DOCK11: variants seen among roughly 807,000 people sequenced by gnomAD.
DOCK11 encodes dedicator of cytokinesis 11.
Under a neutral mutation model 169.1 loss-of-function variants are expected in DOCK11, and 70 were observed. The observed-to-expected ratio is 0.41, with a 90% CI of 0.34 to 0.51. The LOEUF (loss-of-function observed/expected upper bound fraction) is 0.51, where lower values mean the gene tolerates loss of function less well. Ranked by LOEUF, DOCK11 falls within the 20% of genes least tolerant of loss-of-function variation. The pLI, the probability that DOCK11 is intolerant of heterozygous loss-of-function variation, is 0.10. For missense variants in DOCK11, 1,166 were observed against 1,538.8 expected (o/e 0.76, Z 4.05); for synonymous variants, 529 against 541.3 (o/e 0.98, Z 0.32).
rs759275790 is a variant in DOCK11, at chrX:118,588,326, C to T, written c.1980+5C>T. 14 of 1,163,184 alleles carry T rather than the reference C, an allele frequency of 1.2e-5. No homozygotes were observed. In the Admixed American group the frequency reaches 1.3e-4, roughly 11 times the overall value. On this transcript the variant is annotated splice_donor_5th_base_variant and intron_variant, in intron 17 of 52. Coordinates refer to ENST00000276202, the MANE Select transcript of DOCK11 (RefSeq NM_144658.4). The stretch of plus-strand genomic sequence containing the variant: ...AGCCAGAAAACATTTGCCAAGGTAA[C>T]CATGTAAACTATACATTTTTGGAGT...
At chrX:118,653,710 G>A (rs1007945765) in intron 42 of DOCK11, among the ~76,000 whole-genome samples, 3 of 111,797 alleles carry the variant, frequency 2.7e-5, no homozygotes, top group African/African-American at 6.5e-5. Flanking sequence ...CACTGCTCCC[G>A]GCCAAGAAGG....
chrX:118,666,109 T>C (rs1337128871), intron 45 of DOCK11, among the ~76,000 whole-genome samples: 2 of 110,527 alleles, frequency 1.8e-5, no homozygotes, highest in Non-Finnish European at 3.8e-5. Flanking sequence ...ATATAAAAAT[T>C]AGCCGAGCGT....
chrX:118,650,029 G>A lies in DOCK11; in HGVS notation c.4581+902G>A, dbSNP rs192101897. Among the ~76,000 whole-genome samples, 447 of 111,572 alleles carry A rather than the reference G, an allele frequency of 4.0e-3. 4 individuals carry two copies. Among genetic ancestry groups the A allele is most frequent in the Admixed American group, 0.022 (226 of 10,421 alleles). Reference sequence around the variant, plus strand: ...GTTTATGTTTTTCATGCTCCAGTATGCCCACTTATTTTAAAAATGAGAGAT... The same window carrying A: ...GTTTATGTTTTTCATGCTCCAGTATACCCACTTATTTTAAAAATGAGAGAT... On this transcript the variant is annotated intron_variant, in intron 41 of 52. Coordinates refer to ENST00000276202, the MANE Select transcript of DOCK11 (RefSeq NM_144658.4).
At position 118,684,364 on chromosome X, in the gene DOCK11, C is replaced by T. The variant is rs566668339; in HGVS notation, c.6102+1147C>T. Among the ~76,000 whole-genome samples the T allele has an allele frequency of 3.9e-4, 41 of 105,696 alleles. No individual in the cohort carries two copies. In the South Asian group the frequency reaches 0.017, roughly 44 times the overall value. 91.8% of individuals were successfully genotyped at this position (105,696 alleles called of 115,157 possible). On this transcript the variant is annotated intron_variant, in intron 52 of 52. Coordinates refer to ENST00000276202, the MANE Select transcript of DOCK11 (RefSeq NM_144658.4). ...TCAGCTCACTGCAACCTCCGCCTCC[C>T]GGATTCAAGTGATTTCTCCTGCCTC...
At chrX:118,655,490 T>C (rs779641480) in intron 44 of DOCK11, among the ~76,000 whole-genome samples, 4 of 111,304 alleles carry the variant, frequency 3.6e-5, no homozygotes, top group African/African-American at 1.3e-4. Flanking sequence ...AAACTGCCCA[T>C]AGACTATGTC....
intron 24 of DOCK11, among the ~76,000 whole-genome samples, chrX:118,606,577 A>G (rs1353377117): frequency 8.9e-6 from 1 of 112,202 alleles, no homozygotes; most frequent in African/African-American, 3.2e-5. Flanking sequence ...AAAACAGGGT[A>G]CTTAAATTGT....
intron 6 of DOCK11, among the ~76,000 whole-genome samples, chrX:118,558,560 C>T (rs1462301626): frequency 8.9e-6 from 1 of 111,834 alleles, no homozygotes; most frequent in African/African-American, 3.3e-5. Flanking sequence ...TCTGATTTCC[C>T]TTTGATTTCC....
intron 18 of DOCK11, 69 bp downstream of exon 18, chrX:118,588,547 T>G: frequency 2.4e-6 from 2 of 846,206 alleles, no homozygotes; most frequent in Non-Finnish European, 3.3e-6. Context: ...AGTAGTCTTA[T>G]GCTCTAGGTT....
intron 1 of DOCK11, among the ~76,000 whole-genome samples, chrX:118,498,062 C>T (rs763115222): frequency 1.2e-4 from 14 of 112,278 alleles, no homozygotes; most frequent in South Asian, 7.3e-4. Context: ...CTTGTCAGCC[C>T]AGCTTACTTG....
At chrX:118,654,037 T>C (rs1490928122) in intron 42 of DOCK11, among the ~76,000 whole-genome samples, 1 of 112,263 alleles carries the variant, frequency 8.9e-6, no homozygotes, top group Admixed American at 9.5e-5. Context: ...TATGTGGTAG[T>C]TAGTGGATGG....
intron 1 of DOCK11, among the ~76,000 whole-genome samples, chrX:118,527,702 A>G (rs1193530382): frequency 8.9e-6 from 1 of 112,334 alleles, no homozygotes; most frequent in Non-Finnish European, 1.9e-5. Flanking sequence ...TTTTATAATT[A>G]TACAAAACCA....
intron 1 of DOCK11, among the ~76,000 whole-genome samples, chrX:118,523,650 A>C (rs1034633208): frequency 1.4e-4 from 16 of 112,296 alleles, no homozygotes; most frequent in Non-Finnish European, 1.1e-4. Context: ...GTTTATTCAC[A>C]TAAGCTACTG....
chrX:118,564,839 C>CT (rs1456527502), intron 7 of DOCK11, among the ~76,000 whole-genome samples: 4 of 109,696 alleles, frequency 3.6e-5, no homozygotes, highest in African/African-American at 1.3e-4. Flanking sequence ...TCACTGCAGC[C>CT]TTGCAGCCTT....
Position 118,681,129 on chromosome X carries a change from A to G in DOCK11, c.5743A>G (p.Ile1915Val). 8.3e-7 allele frequency: 1 copy of G among 1,207,604 alleles called. No individual in the cohort carries two copies. Among genetic ancestry groups the G allele is most frequent in the South Asian group, 1.8e-5 (1 of 56,108 alleles). ...TGAACAGCAGATTAATTTAAAACCA[A>G]TTGATGTTGCCACTGATGAAATAAA... The part of the protein sequence containing the change: ...NCEQQINLKP[I>V]DVATDEIKDK... Residue 1915 changes from isoleucine to valine, a missense_variant, in exon 50 of 53, where the codon ATT (isoleucine) becomes GTT (valine). Transcript: ENST00000276202.
chrX:118,545,474 C>A, intron 5 of DOCK11, 82 bp downstream of exon 5: 1 of 725,431 alleles, frequency 1.4e-6, no homozygotes, highest in Non-Finnish European at 2.0e-6. Context: ...AAGGGAATTT[C>A]TTGAGAAAAT....
chrX:118,557,329 G>A (rs1055033561), intron 6 of DOCK11, among the ~76,000 whole-genome samples: 1 of 111,476 alleles, frequency 9.0e-6, no homozygotes, highest in African/African-American at 3.3e-5. Flanking sequence ...GACGTGAAAG[G>A]AGTAAGAAAG....
chrX:118,623,626 G>C (rs2015026691), intron 31 of DOCK11, among the ~76,000 whole-genome samples: 1 of 112,695 alleles, frequency 8.9e-6, no homozygotes, highest in Non-Finnish European at 1.9e-5. Flanking sequence ...AGAAGGGAAG[G>C]GTTTTTGAAA....
chrX:118,679,916 TA>T (rs1237866599), intron 48 of DOCK11, among the ~76,000 whole-genome samples: 1 of 94,414 alleles, frequency 1.1e-5, no homozygotes. Context: ...AGGATTACAG[TA>T]ATTTTTTTTT....
chrX:118,550,810 A>G lies in DOCK11; in HGVS notation c.558+4694A>G, dbSNP rs746997093. 3.0e-4 allele frequency among the ~76,000 whole-genome samples: 34 copies of G among 112,375 alleles called. 1 individual carries two copies. The South Asian group carries it at 0.012, about 41-fold the overall frequency. On this transcript the variant is annotated intron_variant, in intron 6 of 52. Coordinates refer to ENST00000276202, the MANE Select transcript of DOCK11 (RefSeq NM_144658.4). ...GCTGACCCAGCTCTTGGATAATTGG[A>G]AAAGGCAGAGGCAGAAGAACTGAGA... is the stretch of plus-strand genomic sequence containing the variant.
Sources: allele counts gnomAD v4.1 joint callset (sites outside exome capture counted in the v4.1 genomes callset), GRCh38; gene constraint gnomAD v4.1.1; transcripts MANE v1.5; gene names NCBI Gene and HGNC (gene_info 2026-07-23, HGNC 2026-07-21).